Variants in INSL6 observed in about 807,000 individuals in gnomAD.
INSL6 encodes insulin-like peptide INSL6.
A neutral mutation model predicts 9.4 loss-of-function variants in INSL6; 16 were observed. The observed-to-expected ratio is 1.70, with a 90% CI of 1.15 to 2.59. The LOEUF (loss-of-function observed/expected upper bound fraction) is 2.59, where lower values mean the gene tolerates loss of function less well. Ranked by LOEUF, INSL6 falls within the 30% of genes most tolerant of loss-of-function variation. INSL6 has a pLI of 0.00. For missense variants in INSL6, 391 were observed against 257.3 expected (o/e 1.52, Z -3.56); for synonymous variants, 154 against 96.9 (o/e 1.59, Z -3.46).
chr9:5,006,916 T>C, the INSL6 span, among the ~76,000 whole-genome samples: 1 of 152,194 alleles, frequency 6.6e-6, no homozygotes, highest in Non-Finnish European at 1.5e-5. Flanking sequence ...TGTTTTTAAA[T>C]TGGAGAATAT....
the INSL6 span, chr9:5,099,487 A>G: frequency 1.3e-5 from 2 of 152,232 alleles, no homozygotes; most frequent in Non-Finnish European, 2.9e-5. Flanking sequence ...AGTTAAAATT[A>G]TTAAATTTCA....
chr9:5,167,696 G>A (rs561488223), intron 1 of INSL6, among the ~76,000 whole-genome samples: 48 of 152,322 alleles, frequency 3.2e-4, no homozygotes, highest in African/African-American at 1.2e-3. Flanking sequence ...TACTGGCTCT[G>A]GAGAGGGAGA....
the INSL6 span, chr9:5,114,364 G>A: frequency 5.6e-5 from 30 of 532,734 alleles, no homozygotes; most frequent in African/African-American, 4.7e-4. Context: ...CAGTGCAATG[G>A]CACGTTCACC....
the INSL6 span, among the ~76,000 whole-genome samples, chr9:5,060,621 T>A: frequency 3.9e-5 from 6 of 152,224 alleles, no homozygotes; most frequent in Non-Finnish European, 8.8e-5. Context: ...CTAATTCTAG[T>A]TCTCTTGCTA....
chr9:5,085,480 T>C, the INSL6 span: 85 of 724,546 alleles, frequency 1.2e-4, no homozygotes, highest in Non-Finnish European at 1.9e-4. Context: ...AAATCTCTCA[T>C]GCTCATTTTC....
At chr9:5,028,438 G>C in the INSL6 span, among the ~76,000 whole-genome samples, 1 of 152,158 alleles carries the variant, frequency 6.6e-6, no homozygotes, top group Admixed American at 6.5e-5. Flanking sequence ...AGTTCTTAAT[G>C]GCCATAGATT....
the INSL6 span, chr9:5,114,483 T>C: frequency 2.1e-6 from 1 of 465,770 alleles, no homozygotes; most frequent in African/African-American, 2.0e-5. Context: ...CAGCGGCCCA[T>C]GTGCTCCCCC....
At chr9:5,147,163 G>C (rs901440281) in intron 2 of INSL6, among the ~76,000 whole-genome samples, 6 of 152,082 alleles carry the variant, frequency 3.9e-5, no homozygotes, top group African/African-American at 1.4e-4. Context: ...TTGTCTCCTG[G>C]GGGCTCTACC....
chr9:5,034,739 G>C, the INSL6 span, among the ~76,000 whole-genome samples: 1 of 152,072 alleles, frequency 6.6e-6, no homozygotes, highest in Admixed American at 6.5e-5. Flanking sequence ...ATTCAAAGCA[G>C]TGTGTAGAGG....
At chr9:5,181,698 A>T (rs1825459128) in intron 1 of INSL6, among the ~76,000 whole-genome samples, 1 of 152,194 alleles carries the variant, frequency 6.6e-6, no homozygotes. Flanking sequence ...ATCTAAAACC[A>T]ACAACTAGTT....
chr9:5,064,146 ACT>A, the INSL6 span, among the ~76,000 whole-genome samples: 3 of 151,786 alleles, frequency 2.0e-5, no homozygotes, highest in Admixed American at 6.5e-5. Context: ...ACAGAGCAAG[ACT>A]CTGACTGGGC....
the INSL6 span, among the ~76,000 whole-genome samples, chr9:5,033,882 C>A: frequency 0.35 from 52,937 of 151,992 alleles, 10,105 homozygotes; most frequent in African/African-American, 0.51. Context: ...TCAAATTCAC[C>A]CATAACAATA....
At chr9:5,068,395 A>G in the INSL6 span, among the ~76,000 whole-genome samples, 27 of 152,242 alleles carry the variant, frequency 1.8e-4, no homozygotes, top group Non-Finnish European at 4.0e-4. Context: ...TACAAATACA[A>G]TGGTGGTGCA....
chr9:5,035,032 T>C, the INSL6 span, among the ~76,000 whole-genome samples: 233 of 152,048 alleles, frequency 1.5e-3, no homozygotes, highest in Non-Finnish European at 1.8e-3. Flanking sequence ...ATACATGCAA[T>C]AAAAAATGAT....
the INSL6 span, among the ~76,000 whole-genome samples, chr9:5,063,481 A>G: frequency 6.6e-6 from 1 of 152,134 alleles, no homozygotes; most frequent in Non-Finnish European, 1.5e-5. Context: ...TTATCCTGGT[A>G]ACTATGTTTT....
At chr9:5,119,526 G>A (rs895786716), downstream of INSL6, among the ~76,000 whole-genome samples, 65 of 151,876 alleles carry the variant, frequency 4.3e-4, no homozygotes, top group Non-Finnish European at 7.2e-4. Context: ...AGCTGAAGAT[G>A]ATATATATAT....
chr9:5,174,516 A>T (rs1039689712), intron 1 of INSL6, among the ~76,000 whole-genome samples: 1 of 152,166 alleles, frequency 6.6e-6, no homozygotes, highest in East Asian at 1.9e-4. Flanking sequence ...CAACCTAAGT[A>T]GTTGTCCCTT....
At chr9:5,024,046 G>A in the INSL6 span, among the ~76,000 whole-genome samples, 1 of 152,112 alleles carries the variant, frequency 6.6e-6, no homozygotes, top group Non-Finnish European at 1.5e-5. Context: ...CACAAGATCA[G>A]GAGATCGAGA....
At chr9:5,097,836 C>T in the INSL6 span, 1 of 152,202 alleles carries the variant, frequency 6.6e-6, no homozygotes, top group Non-Finnish European at 1.5e-5. Context: ...TCATAGGAGG[C>T]TTTACCACTG....
Sources: allele counts gnomAD v4.1 joint callset (sites outside exome capture counted in the v4.1 genomes callset), GRCh38; gene constraint gnomAD v4.1.1; transcripts MANE v1.5; gene names NCBI Gene and HGNC (gene_info 2026-07-23, HGNC 2026-07-21).